Variants in PSG9 observed in about 807,000 individuals in gnomAD.
PSG9 encodes pregnancy-specific beta-1-glycoprotein 9.
In PSG9, 49 loss-of-function variants were observed where a neutral mutation model predicts 41.9. The observed-to-expected ratio is 1.17, with a 90% CI of 0.93 to 1.48. PSG9 has a LOEUF of 1.48. PSG9 is among the 40% of genes most tolerant of loss of function. The pLI is 0.00. For synonymous variants in PSG9, 263 were observed against 196.8 expected (o/e 1.34, Z -2.82); for missense variants, 641 against 520.3 (o/e 1.23, Z -2.26).
Position 43,259,256 on chromosome 19 carries a change from G to C in PSG9, c.710-121C>G. 4.2e-6 allele frequency: 6 copies of C among 1,429,478 alleles called. 1 individual carries two copies. The highest frequency in any genetic ancestry group is 5.6e-6 in the Non-Finnish European group (6 of 1,068,726). The allele number at this position is 1,429,478 out of a possible 1,614,324, so 88.5% of individuals were successfully genotyped here. A position where few individuals can be genotyped will look rare whatever the true frequency, so the allele number is the denominator to read the frequency against. On this transcript the variant is annotated intron_variant, in intron 3 of 5. Coordinates refer to ENST00000270077, the MANE Select transcript of PSG9 (RefSeq NM_002784.5). Reference sequence around the variant, plus strand: ...CCACCCGAGTCCTTGAAAGCCAATAGCTGGTGCGTGTGTCACAAGACAGAT... The same window carrying C: ...CCACCCGAGTCCTTGAAAGCCAATACCTGGTGCGTGTGTCACAAGACAGAT...
At chr19:43,258,576 T>A in intron 4 of PSG9, 120 bp from the exon 5 acceptor site, 2 of 1,420,108 alleles carry the variant, frequency 1.4e-6, no homozygotes, top group South Asian at 1.5e-5. Context: ...CCAGCCAAAG[T>A]CCCTCTATGT....
rs1401609657 is a variant in PSG9, at chr19:43,259,062, G to A, written c.783C>T (p.Thr261=). The A allele has an allele frequency of 1.9e-6, 3 of 1,590,408 alleles. 1 individual carries two copies. The South Asian group carries it at 3.3e-5, about 18-fold the overall frequency. ...TGTAGTTCTCACTCTTAGGTTCACA[G>A]GTGAAGGCTAAGACATCCTTATTCT... ...PRENKDVLAF[T]CEPKSENYTY... The change falls in exon 4 of 6, where the codon ACC becomes ACT. Residue 261 remains threonine (T), a synonymous_variant. Coordinates refer to ENST00000270077, the MANE Select transcript of PSG9 (RefSeq NM_002784.5).
In PSG9 at chr19:43,258,567, C is replaced by A. The variant is rs561424452; in HGVS notation, c.989-111G>T. On this transcript the variant is annotated intron_variant, in intron 4 of 5. Transcript: ENST00000270077. ...TGAGCCAAGACACACCCTCAAGTCC[C>A]AGCCAAAGTCCCTCTATGTTCACTG... 28 of 1,421,934 alleles carry A rather than the reference C, an allele frequency of 2.0e-5. 5 individuals carry two copies. The African/African-American group carries it at 3.9e-4, about 20-fold the overall frequency. 88.1% of individuals were successfully genotyped at this position (1,421,934 alleles called of 1,614,324 possible). A position where few individuals can be genotyped will look rare whatever the true frequency, so the allele number is the denominator to read the frequency against.
In PSG9 at chr19:43,258,469, G is replaced by A; in HGVS notation, c.989-13C>T. 1 of 1,550,856 alleles carries A rather than the reference G, an allele frequency of 6.4e-7. No individual in the cohort carries two copies. The highest frequency in any genetic ancestry group is 8.6e-7 in the Non-Finnish European group (1 of 1,156,326). On this transcript the variant is annotated splice_polypyrimidine_tract_variant and intron_variant, in intron 4 of 5. Transcript: ENST00000270077. ...AGGTCTGGACCATCTGGAGGAAAGA[G>A]AATAAAGCCACACGTGATGTCATTC...
chr19:43,265,187 C>G (rs1968909677), intron 2 of PSG9, among the ~76,000 whole-genome samples: 1 of 152,090 alleles, frequency 6.6e-6, no homozygotes, highest in African/African-American at 2.4e-5. Flanking sequence ...TTACTTTGCC[C>G]AGGGACTGCT....
chr19:43,259,181 T>A, intron 3 of PSG9, 46 bp from the exon 4 acceptor site: 2 of 1,575,974 alleles, frequency 1.3e-6, no homozygotes, highest in Non-Finnish European at 8.6e-7. Context: ...GCACCTTTGA[T>A]TCCTCCACAG....
At chr19:43,254,140 T>G (rs1006085858) in intron 5 of PSG9, among the ~76,000 whole-genome samples, 7 of 145,790 alleles carry the variant, frequency 4.8e-5, no homozygotes, top group South Asian at 4.3e-4. Flanking sequence ...ACTGTTGAGG[T>G]GCACTTCCTA....
intron 2 of PSG9, among the ~76,000 whole-genome samples, chr19:43,263,886 G>A (rs1968844082): frequency 6.6e-6 from 1 of 152,136 alleles, no homozygotes; most frequent in Admixed American, 6.5e-5. Flanking sequence ...GAAGTGATGT[G>A]TGTTATGTTA....
chr19:43,258,378 G>C lies in PSG9; in HGVS notation c.1067C>G (p.Thr356Arg). The C allele has an allele frequency of 6.3e-7, 1 of 1,592,830 alleles. No homozygotes were observed. The highest frequency in any genetic ancestry group is 8.5e-7 in the Non-Finnish European group (1 of 1,174,490). ...ATACTCTGCCGGTGGGTTAGATTCC[G>C]TGAAGCAGGACAAGTCGAGGTTTTC... ...SGENLDLSCF[T>R]ESNPPAEYFW... Residue 356 changes from threonine to arginine, a missense_variant, in exon 5 of 6, where the codon ACG (threonine) becomes AGG (arginine). Coordinates refer to ENST00000270077, the MANE Select transcript of PSG9 (RefSeq NM_002784.5).
Position 43,258,872 on chromosome 19 carries a change from T to A in PSG9, c.973A>T (p.Ile325Phe), listed in dbSNP as rs140571643. The change falls in exon 4 of 6, where the codon ATC becomes TTC. Residue 325 changes from isoleucine (I) to phenylalanine (F), a missense_variant. Ile to Phe is a conservative substitution (Grantham distance 21). Coordinates refer to ENST00000270077, the MANE Select transcript of PSG9 (RefSeq NM_002784.5). ...RYGGLRSNPV[I>F]LNVLYGPDLP... ...AGATACTCACAGAGGACATTTAGGA[T>A]GACTGGGTTACTGCGGAGGCCACCA... 22 of 1,583,076 alleles carry A rather than the reference T, an allele frequency of 1.4e-5. 2 individuals carry two copies. The African/African-American group carries it at 3.2e-4, about 23-fold the overall frequency.
At chr19:43,268,192 A>C (rs749205335) in intron 1 of PSG9, 43 bp from the exon 2 acceptor site, 1 of 1,541,118 alleles carries the variant, frequency 6.5e-7, no homozygotes, top group Non-Finnish European at 8.7e-7. Context: ...AGACCTATGT[A>C]TTGTGGTGAA....
chr19:43,269,212 G>A (rs1374196898), intron 1 of PSG9, among the ~76,000 whole-genome samples, 156 bp downstream of exon 1: 2 of 151,756 alleles, frequency 1.3e-5, no homozygotes, highest in Admixed American at 1.3e-4. Flanking sequence ...CACTGCATTG[G>A]CCGGACTGAT....
intron 2 of PSG9, 145 bp from the exon 3 acceptor site, chr19:43,262,283 A>T: frequency 1.2e-5 from 18 of 1,456,734 alleles, no homozygotes; most frequent in Non-Finnish European, 1.7e-5. Context: ...TACAAGACAG[A>T]TGCATGGCAA....
rs1484874816 is a variant in PSG9, at chr19:43,259,277, C to T, written c.710-142G>A. ...AATAGCTGGTGCGTGTGTCACAAGA[C>T]AGATGCATGATGATCTAAGGGCTCA... On this transcript the variant is annotated intron_variant, in intron 3 of 5. Transcript: ENST00000270077. 3.2e-5 allele frequency: 43 copies of T among 1,358,304 alleles called. 1 individual carries two copies. Among genetic ancestry groups the T allele is most frequent in the Middle Eastern group, 2.7e-4 (1 of 3,704 alleles). The allele number at this position is 1,358,304 out of a possible 1,614,324, so 84.1% of individuals were successfully genotyped here. A position where few individuals can be genotyped will look rare whatever the true frequency, so the allele number is the denominator to read the frequency against.
At chr19:43,268,749 T>C (rs1043866543) in intron 1 of PSG9, among the ~76,000 whole-genome samples, 12 of 152,136 alleles carry the variant, frequency 7.9e-5, no homozygotes, top group Admixed American at 2.6e-4. Context: ...TGTTTTTTTT[T>C]CCCCCAATTG....
At chr19:43,266,612 C>T (rs892291575) in intron 2 of PSG9, among the ~76,000 whole-genome samples, 10 of 152,204 alleles carry the variant, frequency 6.6e-5, no homozygotes, top group African/African-American at 2.4e-4. Context: ...TGCACTGACT[C>T]TGATGGTTGA....
At chr19:43,267,573 C>T (rs190591192) in intron 2 of PSG9, among the ~76,000 whole-genome samples, 48 of 152,216 alleles carry the variant, frequency 3.2e-4, no homozygotes, top group African/African-American at 1.0e-3. Context: ...TCCTCTGCAG[C>T]GAGTGTCTGC....
chr19:43,269,278 T>C, intron 1 of PSG9, 90 bp downstream of exon 1: 1 of 1,600,080 alleles, frequency 6.2e-7, no homozygotes, highest in Non-Finnish European at 8.5e-7. Context: ...AGCTGGCTTC[T>C]TTTATTTTAC....
Position 43,254,073 on chromosome 19 carries a change from C to A in PSG9, c.1244-427G>T, listed in dbSNP as rs943144892. On this transcript the variant is annotated intron_variant, in intron 5 of 5. Transcript: ENST00000270077. ...TTCTCTCCCACAAGTAGTCAGTAAC[C>A]ATGTCCTAGTGTTTTATGTGTTACC... is the stretch of plus-strand genomic sequence containing the variant. Among the ~76,000 whole-genome samples the A allele has an allele frequency of 3.4e-5, 5 of 145,170 alleles. 1 individual carries two copies. The highest frequency in any genetic ancestry group is 1.3e-4 in the African/African-American group (5 of 37,894).
Sources: gnomAD v4.1 joint callset for allele counts (sites outside exome capture counted in the v4.1 genomes callset) on GRCh38, gnomAD v4.1.1 for gene constraint, MANE v1.5 for transcripts, NCBI Gene and HGNC (gene_info 2026-07-23, HGNC 2026-07-21) for gene names.